RGS6: variants seen among roughly 807,000 people sequenced by gnomAD.
RGS6 encodes the protein regulator of G protein signaling 6, also known as regulator of G-protein signaling 6.
In RGS6, 30 loss-of-function variants were observed where a neutral mutation model predicts 78.5. That is an observed-to-expected ratio of 0.38 (90% CI 0.29 to 0.52). The LOEUF is 0.52. RGS6 is among the 20% of genes least tolerant of loss of function. The pLI, the probability that RGS6 is intolerant of heterozygous loss-of-function variation, is 0.85. For synonymous variants in RGS6, 206 were observed against 206.0 expected (o/e 1.00, Z 0.00); for missense variants, 495 against 609.7 (o/e 0.81, Z 1.98).
intron 2 of RGS6, among the ~76,000 whole-genome samples, chr14:71,987,932 A>G (rs199865507): frequency 4.3e-5 from 2 of 46,902 alleles, no homozygotes; most frequent in African/African-American, 1.1e-4. Flanking sequence ...TTTTCAAACA[A>G]TGAGAGAAAG....
intron 12 of RGS6, among the ~76,000 whole-genome samples, chr14:72,492,280 G>A (rs898259633): frequency 6.6e-6 from 1 of 152,206 alleles, no homozygotes; most frequent in Non-Finnish European, 1.5e-5. Flanking sequence ...TGAAGAATGG[G>A]AAGCCTTGTA....
At chr14:71,871,167 T>G in the RGS6 span, among the ~76,000 whole-genome samples, 2 of 152,238 alleles carry the variant, frequency 1.3e-5, no homozygotes, top group Non-Finnish European at 2.9e-5. Context: ...CTACCTGCTA[T>G]TTGGGGGGTG....
At chr14:72,375,931 G>T (rs759797243) in intron 3 of RGS6, among the ~76,000 whole-genome samples, 43 of 152,072 alleles carry the variant, frequency 2.8e-4, no homozygotes, top group Non-Finnish European at 4.4e-5. Flanking sequence ...CAGATGTGTA[G>T]AAATCAATGT....
At chr14:72,301,119 T>C (rs563893281) in intron 2 of RGS6, among the ~76,000 whole-genome samples, 1 of 152,214 alleles carries the variant, frequency 6.6e-6, no homozygotes, top group Non-Finnish European at 1.5e-5. Flanking sequence ...GGATTTGTAA[T>C]ACCATCTGAT....
intron 2 of RGS6, among the ~76,000 whole-genome samples, chr14:72,042,110 C>T (rs1021324215): frequency 2.7e-5 from 4 of 148,190 alleles, no homozygotes; most frequent in Non-Finnish European, 4.5e-5. Context: ...CTAATACTTT[C>T]CTTTTTCTTT....
intron 3 of RGS6, among the ~76,000 whole-genome samples, chr14:72,364,574 GA>G (rs1390810229): frequency 6.6e-6 from 1 of 152,146 alleles, no homozygotes; most frequent in East Asian, 1.9e-4. Flanking sequence ...ACAGCTGGGG[GA>G]ATAACTTTTT....
the RGS6 span, among the ~76,000 whole-genome samples, chr14:71,876,464 C>T: frequency 1.6e-5 from 2 of 124,914 alleles, no homozygotes; most frequent in East Asian, 2.5e-4. Context: ...ACTAGGTTTG[C>T]AACCGCTGCT....
At chr14:72,459,358 A>G (rs1311576143) in intron 5 of RGS6, among the ~76,000 whole-genome samples, 2 of 152,256 alleles carry the variant, frequency 1.3e-5, no homozygotes, top group Admixed American at 1.3e-4. Flanking sequence ...TTTTGTACTT[A>G]GACCTCTATT....
the RGS6 span, among the ~76,000 whole-genome samples, chr14:71,913,841 T>C: frequency 2.0e-5 from 3 of 152,230 alleles, no homozygotes; most frequent in Non-Finnish European, 2.9e-5. Flanking sequence ...ATCCTTATTG[T>C]TTAAAAGGCT....
intron 2 of RGS6, among the ~76,000 whole-genome samples, chr14:72,294,444 A>G (rs1318799717): frequency 6.6e-6 from 1 of 152,206 alleles, no homozygotes; most frequent in Admixed American, 6.5e-5. Flanking sequence ...TATTATTACC[A>G]AAGCCATAGT....
chr14:72,142,629 T>C (rs2096555832), intron 2 of RGS6, among the ~76,000 whole-genome samples: 1 of 152,188 alleles, frequency 6.6e-6, no homozygotes, highest in South Asian at 2.1e-4. Context: ...TGATGGTCAG[T>C]TAGGGCTCTG....
chr14:72,020,059 C>T (rs1255840663), intron 2 of RGS6, among the ~76,000 whole-genome samples: 2 of 152,178 alleles, frequency 1.3e-5, no homozygotes, highest in East Asian at 3.8e-4. Context: ...CCGATGTCAC[C>T]ATGAAGTTAT....
chr14:72,275,847 C>A (rs2153936273), intron 2 of RGS6, among the ~76,000 whole-genome samples: 1 of 152,326 alleles, frequency 6.6e-6, no homozygotes, highest in East Asian at 1.9e-4. Context: ...AGAGTCTCTA[C>A]TTCCCATGAG....
chr14:72,137,691 A>G (rs1453965117), intron 2 of RGS6, among the ~76,000 whole-genome samples: 1 of 152,248 alleles, frequency 6.6e-6, no homozygotes, highest in Non-Finnish European at 1.5e-5. Context: ...TGCATAGAAC[A>G]TGGTTTGGAA....
chr14:72,465,930 A>T, intron 7 of RGS6, 108 bp downstream of exon 7: 1 of 786,656 alleles, frequency 1.3e-6, no homozygotes, highest in Non-Finnish European at 2.1e-6. Flanking sequence ...TGTCCCTTTC[A>T]GACAGTGGAA....
chr14:72,144,540 C>T (rs1243982156), intron 2 of RGS6, among the ~76,000 whole-genome samples: 2 of 152,154 alleles, frequency 1.3e-5, no homozygotes, highest in Non-Finnish European at 2.9e-5. Context: ...TTTAAAATGG[C>T]ATTCTCCATT....
intron 2 of RGS6, 58 bp from the exon 3 acceptor site, chr14:72,352,037 A>G (rs935834950): frequency 5.3e-6 from 7 of 1,315,968 alleles, no homozygotes; most frequent in Non-Finnish European, 7.5e-6. Context: ...TTAAAAAGGT[A>G]CCATTTATAA....
the RGS6 span, among the ~76,000 whole-genome samples, chr14:71,926,065 A>G: frequency 6.6e-6 from 1 of 152,214 alleles, no homozygotes; most frequent in Non-Finnish European, 1.5e-5. Flanking sequence ...AGAAACATTA[A>G]TACTGTCAAA....
At chr14:71,971,799 G>A (rs944452543) in intron 2 of RGS6, among the ~76,000 whole-genome samples, 1 of 152,036 alleles carries the variant, frequency 6.6e-6, no homozygotes, top group South Asian at 2.1e-4. Flanking sequence ...CAGCTCCTTA[G>A]GGGCCGTTGG....
Sources: allele counts gnomAD v4.1 joint callset (sites outside exome capture counted in the v4.1 genomes callset), GRCh38; gene constraint gnomAD v4.1.1; transcripts MANE v1.5; gene names NCBI Gene and HGNC (gene_info 2026-07-23, HGNC 2026-07-21).